The following ENDOD1 variants were observed in gnomAD, a reference collection of about 807,000 sequenced individuals.
ENDOD1 encodes the protein endonuclease domain-containing 1 protein.
A neutral mutation model predicts 6.5 loss-of-function variants in ENDOD1; 9 were observed. The ratio of observed to expected loss-of-function variants is 1.39; its 90% confidence interval spans 0.84 to 2.43. The LOEUF (loss-of-function observed/expected upper bound fraction) is 2.43. ENDOD1 is among the 30% of genes most tolerant of loss of function. ENDOD1 has a pLI of 0.00. For synonymous variants in ENDOD1, 255 were observed against 255.2 expected, an observed-to-expected ratio of 1.00 and a Z score of 0.01; for missense variants, 648 against 635.5, an observed-to-expected ratio of 1.02 and a Z score of -0.21.
chr11:95,111,785 G>A (rs1555111970), intron 1 of ENDOD1, among the ~76,000 whole-genome samples: 1 of 152,156 alleles, frequency 6.6e-6, no homozygotes. Flanking sequence ...CCATGGCCCT[G>A]GGGTTGGAGA....
chr11:95,116,154 C>T (rs1859206875), intron 1 of ENDOD1, among the ~76,000 whole-genome samples: 1 of 152,088 alleles, frequency 6.6e-6, no homozygotes, highest in Non-Finnish European at 1.5e-5. Context: ...TTTATTATAG[C>T]TTCGATCTCA....
intron 1 of ENDOD1, among the ~76,000 whole-genome samples, chr11:95,099,015 C>T (rs1310973743): frequency 1.3e-5 from 2 of 152,146 alleles, no homozygotes; most frequent in African/African-American, 4.8e-5. Context: ...CTGGCAGTCA[C>T]ACGCCCATGA....
chr11:95,111,641 T>C (rs1227452166), intron 1 of ENDOD1, among the ~76,000 whole-genome samples: 1 of 152,048 alleles, frequency 6.6e-6, no homozygotes, highest in Non-Finnish European at 1.5e-5. Flanking sequence ...CCTATGAGAA[T>C]CTAATGCCAC....
intron 1 of ENDOD1, among the ~76,000 whole-genome samples, chr11:95,106,197 G>A (rs1859087267): frequency 6.6e-6 from 1 of 152,200 alleles, no homozygotes; most frequent in African/African-American, 2.4e-5. Flanking sequence ...GCAGAGAAGA[G>A]GGGAGATGGA....
intron 1 of ENDOD1, among the ~76,000 whole-genome samples, chr11:95,121,193 A>G (rs1037715763): frequency 3.3e-5 from 5 of 151,922 alleles, no homozygotes; most frequent in African/African-American, 1.2e-4. Flanking sequence ...GATAGTTATT[A>G]AATTGGTGTC....
At chr11:95,090,644 T>C (rs537647370) in intron 1 of ENDOD1, among the ~76,000 whole-genome samples, 1 of 152,264 alleles carries the variant, frequency 6.6e-6, no homozygotes, top group Admixed American at 6.5e-5. Context: ...GCCATAGCAC[T>C]CATTTGGAGG....
intron 1 of ENDOD1, among the ~76,000 whole-genome samples, chr11:95,127,230 G>T (rs1355004077): frequency 6.6e-6 from 1 of 152,130 alleles, no homozygotes; most frequent in Non-Finnish European, 1.5e-5. Context: ...GGGGGATAAT[G>T]ACATAATCCT....
At chr11:95,121,932 C>G (rs1053421937) in intron 1 of ENDOD1, among the ~76,000 whole-genome samples, 7 of 152,192 alleles carry the variant, frequency 4.6e-5, no homozygotes, top group Admixed American at 1.3e-4. Context: ...TTTGTGTGTT[C>G]CCCTATATTT....
At chr11:95,092,177 ACAT>A (rs1858937627) in intron 1 of ENDOD1, among the ~76,000 whole-genome samples, 1 of 152,094 alleles carries the variant, frequency 6.6e-6, no homozygotes, top group African/African-American at 2.4e-5. Flanking sequence ...GAGGGAACAA[ACAT>A]CATGAGTGAG....
intron 1 of ENDOD1, among the ~76,000 whole-genome samples, chr11:95,117,362 T>C (rs889947713): frequency 2.0e-5 from 3 of 152,228 alleles, no homozygotes; most frequent in Non-Finnish European, 4.4e-5. Context: ...CGAGCTGAGA[T>C]TGAGCCACTG....
chr11:95,128,280 C>T, intron 1 of ENDOD1, 97 bp from the exon 2 acceptor site: 1 of 1,401,944 alleles, frequency 7.1e-7, no homozygotes, highest in South Asian at 1.4e-5. Context: ...AAGTAATAGA[C>T]CAGTGGGGAC....
chr11:95,100,687 G>T (rs1446532365), intron 1 of ENDOD1, among the ~76,000 whole-genome samples: 4 of 151,616 alleles, frequency 2.6e-5, no homozygotes, highest in African/African-American at 9.7e-5. Context: ...TGTAGAGATG[G>T]GGTTTTGCCA....
Position 95,129,214 on chromosome 11 carries a change from G to T in ENDOD1, c.1138G>T (p.Gly380Cys). 1 of 1,614,154 alleles carries T rather than the reference G, an allele frequency of 6.2e-7. No individual in the cohort carries two copies. Among genetic ancestry groups the T allele is most frequent in the South Asian group, 1.1e-5 (1 of 91,086 alleles). ...NGIESCLYRL[G>C]SATISYFMAI... ...CATAGAAAGTTGCCTTTACCGCCTG[G>T]GCTCAGCCACCATCTCATACTTCAT... The change falls in exon 2 of 2, where the codon GGC (glycine) becomes TGC (cysteine). Residue 380 changes from glycine (G) to cysteine (C), a missense_variant. By Grantham distance (159) the Gly-to-Cys change is radical (BLOSUM62 -3). Coordinates refer to ENST00000278505, the MANE Select transcript of ENDOD1 (RefSeq NM_015036.3).
chr11:95,090,147 C>A lies in ENDOD1; in HGVS notation c.220C>A (p.Arg74Ser). 1.3e-6 allele frequency: 2 copies of A among 1,515,090 alleles called. No individual in the cohort carries two copies. The highest frequency in any genetic ancestry group is 1.8e-6 in the Non-Finnish European group (2 of 1,128,844). 93.9% of individuals were successfully genotyped at this position (1,515,090 alleles called of 1,614,324 possible). ...CGCCACCCTCTACAGCACCCGGGAC[C>A]GCATCCCCGTGTACTCCGCGTTCCG... ...RFATLYSTRD[R>S]IPVYSAFRAP... is the part of the protein sequence containing the mutation. Residue 74 changes from arginine (R) to serine (S), a missense_variant, in exon 1 of 2, where the codon CGC becomes AGC. By Grantham distance (110) the Arg-to-Ser change is moderately radical (BLOSUM62 -1). Coordinates refer to ENST00000278505, the MANE Select transcript of ENDOD1 (RefSeq NM_015036.3).
intron 1 of ENDOD1, among the ~76,000 whole-genome samples, chr11:95,107,743 T>A (rs1859104183): frequency 6.6e-6 from 1 of 151,998 alleles, no homozygotes; most frequent in Non-Finnish European, 1.5e-5. Flanking sequence ...TCACTGCAAC[T>A]TCTGCCTCCC....
intron 1 of ENDOD1, among the ~76,000 whole-genome samples, chr11:95,115,052 G>A (rs1235375138): frequency 1.3e-5 from 2 of 152,152 alleles, no homozygotes; most frequent in Non-Finnish European, 2.9e-5. Flanking sequence ...TATTTTGATA[G>A]GGATTGCATT....
intron 1 of ENDOD1, among the ~76,000 whole-genome samples, chr11:95,104,569 A>T (rs1471553559): frequency 6.6e-6 from 1 of 152,132 alleles, no homozygotes; most frequent in Non-Finnish European, 1.5e-5. Flanking sequence ...CTATTCCCTC[A>T]AAGGCCTTAC....
At chr11:95,125,141 G>C (rs1357711425) in intron 1 of ENDOD1, among the ~76,000 whole-genome samples, 1 of 152,066 alleles carries the variant, frequency 6.6e-6, no homozygotes, top group Non-Finnish European at 1.5e-5. Flanking sequence ...TCTTGGGCTA[G>C]AGACACTCCA....
In ENDOD1 at chr11:95,131,155, C is replaced by T. The variant is rs572730496; in HGVS notation, c.*1576C>T. 25 of 152,340 alleles carry T rather than the reference C, an allele frequency of 1.6e-4. No homozygotes were observed. The highest frequency in any genetic ancestry group is 6.0e-4 in the African/African-American group (25 of 41,560). 9.4% of individuals were successfully genotyped at this position (152,340 alleles called of 1,614,324 possible). ...GCAGCCAGCAAGCTGCCATCCTGAT[C>T]AATTTGTGATGCAAGGTTAGGGAGT... is the stretch of plus-strand genomic sequence containing the variant. On this transcript the variant is annotated 3_prime_UTR_variant, in exon 2 of 2. Transcript: ENST00000278505.
Sources: allele counts gnomAD v4.1 joint callset (sites outside exome capture counted in the v4.1 genomes callset), GRCh38; gene constraint gnomAD v4.1.1; transcripts MANE v1.5; gene names NCBI Gene and HGNC (gene_info 2026-07-23, HGNC 2026-07-21).